Variants in ACP2 observed in about 807,000 individuals in gnomAD.
ACP2 encodes acid phosphatase 2, lysosomal, also known as lysosomal acid phosphatase.
In ACP2, 35 loss-of-function variants were observed where a neutral mutation model predicts 54.7. That is an observed-to-expected ratio of 0.64 (90% CI 0.49 to 0.85). The LOEUF (loss-of-function observed/expected upper bound fraction) is 0.85, where lower values mean the gene tolerates loss of function less well. Among genes scored for constraint, ACP2 ranks in the 40% least tolerant of loss-of-function variants. The pLI is 0.00. For missense variants in ACP2, 492 were observed against 565.0 expected (o/e 0.87, Z 1.31); for synonymous variants, 210 against 224.4 (o/e 0.94, Z 0.57).
At chr11:47,247,793 T>C (rs1954242596) in intron 2 of ACP2, 66 bp from the exon 3 acceptor site, 2 of 1,493,126 alleles carry the variant, frequency 1.3e-6, no homozygotes, top group Non-Finnish European at 1.8e-6. Flanking sequence ...CCATGGGGTT[T>C]AGGCCCTGTT....
chr11:47,245,072 A>G, intron 6 of ACP2: 18 of 981,364 alleles, frequency 1.8e-5, no homozygotes, highest in Non-Finnish European at 2.7e-5. Context: ...AGTGAGACTC[A>G]GCAGAAAGGA....
chr11:47,240,089 G>A lies in ACP2; in HGVS notation c.*27C>T, dbSNP rs1953829109. Reference sequence around the variant, plus strand: ...AGGGCCCAGCCCACCTCCCCTAGGAGGTGGAGGGAAGGGGGCTGAGTGGTT... The same window carrying A: ...AGGGCCCAGCCCACCTCCCCTAGGAAGTGGAGGGAAGGGGGCTGAGTGGTT... On this transcript the variant is annotated 3_prime_UTR_variant, in exon 11 of 11. Coordinates refer to ENST00000672073, the MANE Select transcript of ACP2 (RefSeq NM_001610.4). The A allele has an allele frequency of 6.2e-7, 1 of 1,607,622 alleles. No individual in the cohort carries two copies. The highest frequency in any genetic ancestry group is 2.2e-5 in the East Asian group (1 of 44,838).
At position 47,242,013 on chromosome 11, in the gene ACP2, T is replaced by C. The variant is rs557495767; in HGVS notation, c.1138+710A>G. On this transcript the variant is annotated intron_variant, in intron 10 of 10. Coordinates refer to ENST00000672073, the MANE Select transcript of ACP2 (RefSeq NM_001610.4). ...GAGATCACTTGGGAGTGTGCACAGATGGGGAAAGCTCCAGGGATGAGTCCT... is the reference window on the plus strand; with the variant it reads ...GAGATCACTTGGGAGTGTGCACAGACGGGGAAAGCTCCAGGGATGAGTCCT... Among the ~76,000 whole-genome samples, 4 of 152,244 alleles carry C rather than the reference T, an allele frequency of 2.6e-5. No individual in the cohort carries two copies. The East Asian group carries it at 7.7e-4, about 29-fold the overall frequency.
chr11:47,248,639 C>A lies in ACP2; in HGVS notation c.114+37G>T, dbSNP rs762989781. The A allele has an allele frequency of 5.7e-6, 9 of 1,586,066 alleles. No homozygotes were observed. In the Admixed American group the frequency reaches 1.6e-4, roughly 29 times the overall value. On this transcript the variant is annotated intron_variant, in intron 1 of 10. Transcript: ENST00000672073. ...CACCAGCTGGCCTTTGCCCTTTTAG[C>A]TTCAGGGAAGTCTTTGGTGAGCCCA...
chr11:47,248,691 C>A lies in ACP2; in HGVS notation c.99G>T (p.Leu33=), dbSNP rs980288603. The A allele has an allele frequency of 5.6e-6, 9 of 1,611,710 alleles. No individual in the cohort carries two copies. Among genetic ancestry groups the A allele is most frequent in the Admixed American group, 3.3e-5 (2 of 59,714 alleles). The stretch of plus-strand genomic sequence containing the variant: ...CTCTCATTACCAAGGTAACGAAGCG[C>A]AGACTCCGGGCCCGGGTGGGCGGCA... ...VVMPPTRARS[L]RFVTLLYRHG... The change falls in exon 1 of 11, where the codon CTG becomes CTT. Residue 33 remains leucine, a synonymous_variant. Coordinates refer to ENST00000672073, the MANE Select transcript of ACP2 (RefSeq NM_001610.4).
intron 9 of ACP2, 44 bp downstream of exon 9, chr11:47,242,974 C>T: frequency 6.2e-7 from 1 of 1,612,788 alleles, no homozygotes; most frequent in South Asian, 1.1e-5. Context: ...CCCGAGCCAC[C>T]TCCCGAGGGC....
chr11:47,245,883 T>TGC, intron 3 of ACP2, 49 bp from the exon 4 acceptor site: 1 of 1,517,824 alleles, frequency 6.6e-7, no homozygotes, highest in Non-Finnish European at 8.8e-7. Context: ...TGTGTGTGTG[T>TGC]GTTGGGGAAG....
Position 47,248,125 on chromosome 11 carries a change from G to T in ACP2, c.123C>A (p.Arg41=), listed in dbSNP as rs748539292. The change falls in exon 2 of 11, where the codon CGC becomes CGA. Residue 41 remains arginine, a synonymous_variant. Transcript: ENST00000672073. The part of the protein sequence containing the change: ...RSLRFVTLLY[R]HGDRSPVKTY... ...TCTTCACTGGTGAACGGTCTCCATG[G>T]CGGTACAGCTGAGAGAATAAAATGG... is the stretch of plus-strand genomic sequence containing the variant. 6.2e-7 allele frequency: 1 copy of T among 1,605,154 alleles called. No individual in the cohort carries two copies. Among genetic ancestry groups the T allele is most frequent in the East Asian group, 2.2e-5 (1 of 44,860 alleles).
intron 10 of ACP2, among the ~76,000 whole-genome samples, chr11:47,240,859 G>T (rs1180206854): frequency 6.6e-6 from 1 of 151,804 alleles, no homozygotes; most frequent in African/African-American, 2.4e-5. Flanking sequence ...GGTCAGTGAC[G>T]AATGTGATAC....
rs1473576056 is a variant in ACP2 at position 47,244,804 on chromosome 11, G to T, written c.703C>A (p.Leu235Ile). The change falls in exon 7 of 11, where the codon CTA (leucine) becomes ATA (isoleucine). Residue 235 changes from leucine (L) to isoleucine (I), a missense_variant. By Grantham distance (5) the Leu-to-Ile change is conservative. Transcript: ENST00000672073. ...AGGAAGCGGAAGCTGAAGTCCTTTAGCCGGCTGAGACGCTGCATGGTTTGG... is the reference window on the plus strand; with the variant it reads ...AGGAAGCGGAAGCTGAAGTCCTTTATCCGGCTGAGACGCTGCATGGTTTGG... ...SPQTMQRLSR[L>I]KDFSFRFLFG... 1.9e-6 allele frequency: 3 copies of T among 1,613,180 alleles called. No homozygotes were observed. The highest frequency in any genetic ancestry group is 1.7e-5 in the Admixed American group (1 of 60,000).
intron 10 of ACP2, among the ~76,000 whole-genome samples, chr11:47,242,308 T>A (rs1007513658): frequency 1.3e-5 from 2 of 152,156 alleles, no homozygotes; most frequent in Non-Finnish European, 2.9e-5. Flanking sequence ...GATTCCATTC[T>A]GAGAGGGAAG....
rs975572308 is a variant in ACP2, at chr11:47,243,046, T to C, written c.934A>G (p.Ile312Val). 4 of 1,614,250 alleles carry C rather than the reference T, an allele frequency of 2.5e-6. No individual in the cohort carries two copies. The highest frequency in any genetic ancestry group is 1.1e-5 in the South Asian group (1 of 91,092). Residue 312 changes from isoleucine to valine, a missense_variant, in exon 9 of 11, where the codon ATA (isoleucine) becomes GTA (valine). Coordinates refer to ENST00000672073, the MANE Select transcript of ACP2 (RefSeq NM_001610.4). ...GAATCTTCCTGGTACAGTTCAAATA[T>C]GTGGCAGGAGGCGTAGGGGGCTTGT... ...GEQAPYASCH[I>V]FELYQEDSGN... is the part of the protein sequence containing the mutation.
chr11:47,248,128 G>A lies in ACP2; in HGVS notation c.120C>T (p.Tyr40=). 6.2e-7 allele frequency: 1 copy of A among 1,600,998 alleles called. No individual in the cohort carries two copies. The highest frequency in any genetic ancestry group is 8.5e-7 in the Non-Finnish European group (1 of 1,175,740). The part of the protein sequence containing the change: ...ARSLRFVTLL[Y]RHGDRSPVKT... The stretch of plus-strand genomic sequence containing the variant: ...TCACTGGTGAACGGTCTCCATGGCG[G>A]TACAGCTGAGAGAATAAAATGGTTT... The change falls in exon 2 of 11, where the codon TAC becomes TAT. Residue 40 remains tyrosine, a synonymous_variant. Transcript: ENST00000672073.
At chr11:47,242,694 G>A in intron 10 of ACP2, 29 bp downstream of exon 10, 1 of 1,597,238 alleles carries the variant, frequency 6.3e-7, no homozygotes, top group Non-Finnish European at 8.6e-7. Flanking sequence ...TCTAGGGCAT[G>A]ACTAGCAAGG....
intron 10 of ACP2, 139 bp downstream of exon 10, chr11:47,242,584 T>G: frequency 1.1e-6 from 1 of 934,648 alleles, no homozygotes; most frequent in South Asian, 1.5e-5. Flanking sequence ...GGAGAAGGTA[T>G]AAAGCAGTCT....
rs140392764 is a variant in ACP2 at position 47,242,835 on chromosome 11, C to T, written c.1026G>A (p.Leu342=). The T allele has an allele frequency of 1.5e-4, 241 of 1,614,106 alleles. No homozygotes were observed. In the African/African-American group the frequency reaches 2.8e-3, roughly 19 times the overall value. ...ESDKAPWPLS[L]PGCPHRCPLQ... Reference sequence around the variant, plus strand: ...GTGGGCAGCGGTGAGGGCAGCCAGGCAGGCTGAGCGGCCAGGGGGCCTTGT... The same window carrying T: ...GTGGGCAGCGGTGAGGGCAGCCAGGTAGGCTGAGCGGCCAGGGGGCCTTGT... The change falls in exon 10 of 11, where the codon CTG becomes CTA. Residue 342 remains leucine, a synonymous_variant. Coordinates refer to ENST00000672073, the MANE Select transcript of ACP2 (RefSeq NM_001610.4).
intron 3 of ACP2, 188 bp downstream of exon 3, chr11:47,247,453 C>T: frequency 1.5e-6 from 1 of 668,144 alleles, no homozygotes; most frequent in Non-Finnish European, 2.5e-6. Context: ...TGCCTCATCC[C>T]AGCCAAGCAG....
In ACP2 at chr11:47,239,883, C is replaced by A. The variant is rs941800723; in HGVS notation, c.*233G>T. On this transcript the variant is annotated 3_prime_UTR_variant, in exon 11 of 11. Coordinates refer to ENST00000672073, the MANE Select transcript of ACP2 (RefSeq NM_001610.4). ...TGTAGGGAGCGTGGAGGAGGCAAAT[C>A]CTGTTTGGAGAAAGCCAGTGTCCAA... 7.6e-6 allele frequency: 4 copies of A among 526,234 alleles called. No individual in the cohort carries two copies. Among genetic ancestry groups the A allele is most frequent in the South Asian group, 2.7e-5 (1 of 37,330 alleles). The allele number at this position is 526,234 out of a possible 1,614,324, so 32.6% of individuals were successfully genotyped here.
Position 47,239,340 on chromosome 11 carries a change from G to GAGCT in ACP2, c.*772_*775dup, listed in dbSNP as rs1953806982. ...GGAAACAGCACTATTCATTCTCTGG[G>GAGCT]AGCTGCCCCAGCCCTATTCTGGGCC... is the stretch of plus-strand genomic sequence containing the variant. On this transcript the variant is annotated 3_prime_UTR_variant, in exon 11 of 11. Coordinates refer to ENST00000672073, the MANE Select transcript of ACP2 (RefSeq NM_001610.4). 4.9e-6 allele frequency: 1 copy of GAGCT among 205,190 alleles called. No homozygotes were observed. The highest frequency in any genetic ancestry group is 5.2e-5 in the Admixed American group (1 of 19,108). 12.7% of individuals were successfully genotyped at this position (205,190 alleles called of 1,614,324 possible).
Sources: gnomAD v4.1 joint callset for allele counts (sites outside exome capture counted in the v4.1 genomes callset) on GRCh38, gnomAD v4.1.1 for gene constraint, MANE v1.5 for transcripts, NCBI Gene and HGNC (gene_info 2026-07-23, HGNC 2026-07-21) for gene names.